Variants in ZBTB45 observed in about 807,000 individuals in gnomAD.
ZBTB45 encodes zinc finger and BTB domain containing 45, also known as zinc finger and BTB domain-containing protein 45.
A neutral mutation model predicts 28.4 loss-of-function variants in ZBTB45; 22 were observed. The ratio of observed to expected loss-of-function variants is 0.77; its 90% CI spans 0.55 to 1.10. The LOEUF (loss-of-function observed/expected upper bound fraction) is 1.10, where lower values mean the gene tolerates loss of function less well. ZBTB45 is among the 50% of genes least tolerant of loss of function. The probability of loss-of-function intolerance (pLI) is 0.00; values close to 1 mark genes in which losing one functional copy is unlikely to be tolerated. For synonymous variants in ZBTB45, 361 were observed against 332.3 expected, an observed-to-expected ratio of 1.09 and a Z score of -0.94; for missense variants, 656 against 750.2, an observed-to-expected ratio of 0.87 and a Z score of 1.47.
chr19:58,514,142 G>A lies in ZBTB45; in HGVS notation c.1448C>T (p.Pro483Leu). Residue 483 changes from proline (P) to leucine (L), a missense_variant, in exon 3 of 3, where the codon CCC becomes CTC. Coordinates refer to ENST00000594051, the MANE Select transcript of ZBTB45 (RefSeq NM_001316979.2). ...GCAGGCGGGGCAGGGCGCGCGCTCG[G>A]GCCGGTGAGTGCGCATGTGCACGTT... ...SLNVHMRTHRPERAPCPACGK... is the reference protein window; with the variant it reads ...SLNVHMRTHRLERAPCPACGK... 1 of 1,606,072 alleles carries A rather than the reference G, an allele frequency of 6.2e-7. No individual in the cohort carries two copies. Among genetic ancestry groups the A allele is most frequent in the Non-Finnish European group, 8.5e-7 (1 of 1,176,796 alleles).
At chr19:58,529,613 T>C (rs1331366892) in intron 1 of ZBTB45, among the ~76,000 whole-genome samples, 2 of 152,200 alleles carry the variant, frequency 1.3e-5, no homozygotes, top group African/African-American at 2.4e-5. Flanking sequence ...TGATTCTGGA[T>C]TTTTTTAAAT....
Position 58,513,994 on chromosome 19 carries a change from C to A in ZBTB45, c.*60G>T. On this transcript the variant is annotated 3_prime_UTR_variant, in exon 3 of 3. Coordinates refer to ENST00000594051, the MANE Select transcript of ZBTB45 (RefSeq NM_001316979.2). ...CGGGAACCACGGGTCCCGCAGCGGG[C>A]GTGGCCGACTGTGCGGGAGGCCCCG... 1 of 1,351,182 alleles carries A rather than the reference C, an allele frequency of 7.4e-7. No homozygotes were observed. The allele number at this position is 1,351,182 out of a possible 1,614,324, so 83.7% of individuals were successfully genotyped here.
intron 1 of ZBTB45, among the ~76,000 whole-genome samples, chr19:58,524,895 CA>C (rs2053599796): frequency 2.7e-5 from 4 of 146,014 alleles, no homozygotes; most frequent in South Asian, 4.6e-4. Flanking sequence ...AAAAAAAAAA[CA>C]AAAAAACAAT....
chr19:58,516,069 G>A lies in ZBTB45; in HGVS notation c.1279+326C>T, dbSNP rs1431018874. 1.3e-5 allele frequency among the ~76,000 whole-genome samples: 2 copies of A among 151,998 alleles called. No individual in the cohort carries two copies. Among genetic ancestry groups the A allele is most frequent in the Non-Finnish European group, 2.9e-5 (2 of 67,980 alleles). Reference sequence around the variant, plus strand: ...GGAGCATAGTTTCCCAACCTGCCAGGACCTCCTGCCAAGGCTCCATACCCA... The same window carrying A: ...GGAGCATAGTTTCCCAACCTGCCAGAACCTCCTGCCAAGGCTCCATACCCA... On this transcript the variant is annotated intron_variant, in intron 2 of 2. Coordinates refer to ENST00000594051, the MANE Select transcript of ZBTB45 (RefSeq NM_001316979.2). The surrounding 1 kb of genome is among the most constrained non-coding windows in gnomAD (Gnocchi z 6.2).
chr19:58,527,973 G>A (rs916634838), intron 1 of ZBTB45, among the ~76,000 whole-genome samples: 1 of 152,174 alleles, frequency 6.6e-6, no homozygotes, highest in African/African-American at 2.4e-5. Flanking sequence ...GTGGCAGTAC[G>A]TGCCTGTAAT....
At chr19:58,533,913 T>A (rs2053647014) in intron 1 of ZBTB45, among the ~76,000 whole-genome samples, 1 of 152,140 alleles carries the variant, frequency 6.6e-6, no homozygotes, top group African/African-American at 2.4e-5. Flanking sequence ...CAATTGACCC[T>A]ACACAACAAG....
chr19:58,529,662 G>C (rs2053626126), intron 1 of ZBTB45, among the ~76,000 whole-genome samples: 1 of 152,104 alleles, frequency 6.6e-6, no homozygotes, highest in Non-Finnish European at 1.5e-5. Context: ...AGAACGTGCA[G>C]TTTTGTCACA....
chr19:58,528,110 C>T (rs1225035200), intron 1 of ZBTB45, among the ~76,000 whole-genome samples: 1 of 152,152 alleles, frequency 6.6e-6, no homozygotes, highest in Non-Finnish European at 1.5e-5. Flanking sequence ...GCCATTTGTG[C>T]CAGCAACGTG....
chr19:58,531,190 G>A (rs2053634146), intron 1 of ZBTB45, among the ~76,000 whole-genome samples: 1 of 152,226 alleles, frequency 6.6e-6, no homozygotes, highest in African/African-American at 2.4e-5. Context: ...TAGTGGGCGT[G>A]AAGCAGTATT....
chr19:58,536,007 T>C (rs1409230205), intron 1 of ZBTB45, among the ~76,000 whole-genome samples: 2 of 152,016 alleles, frequency 1.3e-5, no homozygotes, highest in African/African-American at 4.8e-5. Flanking sequence ...ACAGGTCTCC[T>C]ATGTGGCTGG....
At chr19:58,528,176 A>C (rs770074391) in intron 1 of ZBTB45, among the ~76,000 whole-genome samples, 1 of 152,124 alleles carries the variant, frequency 6.6e-6, no homozygotes, top group Non-Finnish European at 1.5e-5. Flanking sequence ...CATACCCCTG[A>C]AGATGGAGGG....
Position 58,519,751 on chromosome 19 carries a change from C to T in ZBTB45, c.-10G>A, listed in dbSNP as rs1487520394. On this transcript the variant is annotated 5_prime_UTR_variant, in exon 1 of 3. Coordinates refer to ENST00000594051, the MANE Select transcript of ZBTB45 (RefSeq NM_001316979.2). Reference sequence around the variant, plus strand: ...GCCCATTCGACCCCACCTCCGACTCCTCTTCAGGCACCAGGCTCTGCCGTG... The same window carrying T: ...GCCCATTCGACCCCACCTCCGACTCTTCTTCAGGCACCAGGCTCTGCCGTG... 2.6e-5 allele frequency: 4 copies of T among 152,562 alleles called. No homozygotes were observed. The highest frequency in any genetic ancestry group is 7.2e-5 in the African/African-American group (3 of 41,472). 9.5% of individuals were successfully genotyped at this position (152,562 alleles called of 1,614,324 possible). A position where few individuals can be genotyped will look rare whatever the true frequency, so the allele number is the denominator to read the frequency against.
At chr19:58,536,156 C>A (rs1389582135) in intron 1 of ZBTB45, among the ~76,000 whole-genome samples, 2 of 151,622 alleles carry the variant, frequency 1.3e-5, no homozygotes, top group African/African-American at 4.9e-5. Context: ...CATGGTAAAA[C>A]CCCCTCTCTA....
chr19:58,517,967 G>A (rs532254601), intron 1 of ZBTB45, among the ~76,000 whole-genome samples: 4 of 151,718 alleles, frequency 2.6e-5, no homozygotes, highest in South Asian at 2.1e-4. Context: ...CACTGCTCCC[G>A]AAAAGGTTCA....
intron 1 of ZBTB45, among the ~76,000 whole-genome samples, chr19:58,537,100 T>C: frequency 6.6e-6 from 1 of 152,114 alleles, no homozygotes; most frequent in East Asian, 1.9e-4. Context: ...TACTCTCCTA[T>C]ATACCCACCC....
At position 58,517,478 on chromosome 19, in the gene ZBTB45, G is replaced by A. The variant is rs2053526003; in HGVS notation, c.196C>T (p.His66Tyr). The A allele has an allele frequency of 1.2e-6, 2 of 1,613,258 alleles. No individual in the cohort carries two copies. Among genetic ancestry groups the A allele is most frequent in the Non-Finnish European group, 1.7e-6 (2 of 1,179,986 alleles). Residue 66 changes from histidine to tyrosine, a missense_variant, in exon 2 of 3, where the codon CAC becomes TAC. His to Tyr is a moderately conservative substitution (Grantham distance 83). Transcript: ENST00000594051. ...PFFQDKLLLG[H>Y]SEIRVPPVVP... Reference sequence around the variant, plus strand: ...ACCGGAGGCACACGGATCTCAGAGTGGCCGAGCAGCAGCTTGTCTTGGAAG... The same window carrying A: ...ACCGGAGGCACACGGATCTCAGAGTAGCCGAGCAGCAGCTTGTCTTGGAAG...
At chr19:58,527,142 T>C (rs1001022050) in intron 1 of ZBTB45, among the ~76,000 whole-genome samples, 14 of 152,144 alleles carry the variant, frequency 9.2e-5, no homozygotes, top group African/African-American at 3.1e-4. Flanking sequence ...CAGGTTAAAA[T>C]CATTCTCCCT....
At position 58,516,364 on chromosome 19, in the gene ZBTB45, T is replaced by C. The variant is rs1262972792; in HGVS notation, c.1279+31A>G. ...TCAGGTTTAACTCTCCGATGAGAGATTGCTCCCTCTCCTCCCCCGCCCTGG... is the reference window on the plus strand; with the variant it reads ...TCAGGTTTAACTCTCCGATGAGAGACTGCTCCCTCTCCTCCCCCGCCCTGG... On this transcript the variant is annotated intron_variant, in intron 2 of 2. Coordinates refer to ENST00000594051, the MANE Select transcript of ZBTB45 (RefSeq NM_001316979.2). This position sits in a 1 kb window ranked among gnomAD's most constrained non-coding sequence, Gnocchi z 6.2. The C allele has an allele frequency of 3.7e-6, 6 of 1,612,986 alleles. No individual in the cohort carries two copies. The highest frequency in any genetic ancestry group is 5.1e-6 in the Non-Finnish European group (6 of 1,179,210).
chr19:58,536,403 T>C (rs1022075323), intron 1 of ZBTB45, among the ~76,000 whole-genome samples: 1 of 151,104 alleles, frequency 6.6e-6, no homozygotes, highest in Non-Finnish European at 1.5e-5. Context: ...GAGGCGGAGT[T>C]TGCAGTGAGC....
Sources: gnomAD v4.1 joint callset for allele counts (sites outside exome capture counted in the v4.1 genomes callset) on GRCh38, gnomAD v4.1.1 for gene constraint, Gnocchi (gnomAD v3.1) non-coding constraint, MANE v1.5 for transcripts, NCBI Gene and HGNC (gene_info 2026-07-23, HGNC 2026-07-21) for gene names.